The following TOGARAM2 variants were observed in gnomAD, a reference collection of about 807,000 sequenced individuals.
TOGARAM2 encodes TOG array regulator of axonemal microtubules protein 2.
Under a neutral mutation model 93.3 loss-of-function variants are expected in TOGARAM2, and 85 were observed. The observed-to-expected ratio is 0.91, with a 90% CI of 0.76 to 1.09. The LOEUF is 1.09. Ranked by LOEUF, TOGARAM2 falls within the 50% of genes least tolerant of loss-of-function variation. The pLI is 0.00. For synonymous variants in TOGARAM2, 593 were observed against 552.8 expected (o/e 1.07, Z -1.02); for missense variants, 1,277 against 1,334.5 (o/e 0.96, Z 0.67).
At chr2:29,004,754 CTGAG>C (rs1312407356) in intron 6 of TOGARAM2, among the ~76,000 whole-genome samples, 9 of 130,350 alleles carry the variant, frequency 6.9e-5, no homozygotes, top group East Asian at 2.4e-4. Context: ...GTGTGTGTGT[CTGAG>C]TGTGTGTGTG....
chr2:28,970,246 G>C (rs1054494335), intron 1 of TOGARAM2, among the ~76,000 whole-genome samples: 7 of 152,122 alleles, frequency 4.6e-5, no homozygotes, highest in Non-Finnish European at 7.3e-5. Context: ...GACAGAGCTG[G>C]GTCTGCATCC....
chr2:28,962,298 C>T lies in TOGARAM2; in HGVS notation c.-147+5601C>T, dbSNP rs1410437140. ...TCAAGCAATTCTCCTGCCTCAGCCTCCCAAGTAGCTCAGATTACAGGCATG... is the reference window on the plus strand; with the variant it reads ...TCAAGCAATTCTCCTGCCTCAGCCTTCCAAGTAGCTCAGATTACAGGCATG... On this transcript the variant is annotated intron_variant, in intron 1 of 6. Transcript: ENST00000401723. Among the ~76,000 whole-genome samples, 4 of 151,808 alleles carry T rather than the reference C, an allele frequency of 2.6e-5. No homozygotes were observed. In the East Asian group the frequency reaches 7.7e-4, roughly 29 times the overall value.
chr2:29,036,444 C>T (rs1322955566), intron 17 of TOGARAM2, 97 bp from the exon 18 acceptor site: 7 of 1,084,370 alleles, frequency 6.5e-6, no homozygotes, highest in South Asian at 1.4e-5. Context: ...CTGCTGAGGT[C>T]GCTCAGTTGG....
chr2:29,024,004 TTTCCAGCGTGGCAA>T (rs1665150265), intron 12 of TOGARAM2, 121 bp from the exon 13 acceptor site: 2 of 686,134 alleles, frequency 2.9e-6, no homozygotes, highest in Non-Finnish European at 4.9e-6. Flanking sequence ...AGGGTTTTTG[TTTCCAGCGTGGCAA>T]GGCCTAGGTC....
intron 1 of TOGARAM2, among the ~76,000 whole-genome samples, chr2:28,991,599 G>A (rs1295193814): frequency 6.6e-6 from 1 of 152,206 alleles, no homozygotes; most frequent in East Asian, 1.9e-4. Context: ...AGAAGCTGTG[G>A]GAGCGGCAGC....
At chr2:29,022,021 C>A in intron 10 of TOGARAM2, 137 bp from the exon 11 acceptor site, 1 of 1,144,298 alleles carries the variant, frequency 8.7e-7, no homozygotes, top group Non-Finnish European at 1.3e-6. Context: ...CCAGGCACTT[C>A]CACTTGTACA....
chr2:29,029,819 G>A (rs536520843), intron 14 of TOGARAM2, among the ~76,000 whole-genome samples: 5 of 151,692 alleles, frequency 3.3e-5, no homozygotes, highest in Admixed American at 3.3e-4. Context: ...GCAAGGGGGT[G>A]AGGGATGAAA....
intron 1 of TOGARAM2, among the ~76,000 whole-genome samples, chr2:28,974,151 G>A (rs6755124): frequency 0.14 from 19,475 of 141,614 alleles, 2,040 homozygotes; most frequent in East Asian, 0.61. Flanking sequence ...TTTCTGAGGC[G>A]AAGTCTCTCT....
intron 1 of TOGARAM2, among the ~76,000 whole-genome samples, chr2:28,983,196 ATATTTTTTTTTT>A (rs1558400358): frequency 8.3e-5 from 4 of 48,166 alleles, no homozygotes; most frequent in South Asian, 1.4e-3. Context: ...ATATATATAT[ATATTTTTTTTTT>A]TTTTTTTTTT....
At chr2:29,027,174 C>A (rs936019253) in intron 14 of TOGARAM2, among the ~76,000 whole-genome samples, 163 bp downstream of exon 14, 5 of 152,226 alleles carry the variant, frequency 3.3e-5, no homozygotes, top group Non-Finnish European at 7.3e-5. Context: ...TCCCTTCCAT[C>A]AAGCCAAGCC....
intron 16 of TOGARAM2, among the ~76,000 whole-genome samples, chr2:29,035,197 T>C (rs1483860975): frequency 6.7e-6 from 1 of 150,098 alleles, no homozygotes; most frequent in Non-Finnish European, 1.5e-5. Context: ...CTTTTGTGGA[T>C]AGCCACTTCC....
chr2:29,041,783 A>G (rs1490223303), intron 18 of TOGARAM2, among the ~76,000 whole-genome samples: 1 of 152,230 alleles, frequency 6.6e-6, no homozygotes, highest in East Asian at 1.9e-4. Context: ...GCACCAGGTT[A>G]GGCTAATGGA....
intron 6 of TOGARAM2, among the ~76,000 whole-genome samples, chr2:29,009,998 C>A (rs879431578): frequency 3.2e-4 from 48 of 151,074 alleles, no homozygotes; most frequent in Non-Finnish European, 6.0e-4. Context: ...TGCGCCAAGT[C>A]CTCTGAGGCC....
intron 6 of TOGARAM2, among the ~76,000 whole-genome samples, chr2:29,006,050 A>AGTGT (rs1327286735): frequency 5.6e-5 from 3 of 53,172 alleles, no homozygotes; most frequent in South Asian, 6.0e-4. Context: ...GCATGTGTGG[A>AGTGT]GTGTGTGTGT....
chr2:29,043,019 C>A (rs987260884), intron 18 of TOGARAM2, among the ~76,000 whole-genome samples: 1 of 152,174 alleles, frequency 6.6e-6, no homozygotes, highest in South Asian at 2.1e-4. Flanking sequence ...CTAGGCTGAG[C>A]ATTGTGGGAG....
At position 28,986,266 on chromosome 2, in the gene TOGARAM2, C is replaced by G. The variant is rs73922924; in HGVS notation, c.-111+4728C>G. On this transcript the variant is annotated intron_variant, in intron 1 of 19. Transcript: ENST00000379558. The stretch of plus-strand genomic sequence containing the variant: ...CAGCCTAAATAAAACTTTCTCTCCC[C>G]CTAGGCTTTCCTATGTCTTTTAGAC... 2.2e-3 allele frequency among the ~76,000 whole-genome samples: 332 copies of G among 152,242 alleles called. 1 individual carries two copies. The highest frequency in any genetic ancestry group is 7.5e-3 in the African/African-American group (310 of 41,544).
At chr2:29,001,114 G>A (rs1468469418) in intron 4 of TOGARAM2, among the ~76,000 whole-genome samples, 1 of 152,112 alleles carries the variant, frequency 6.6e-6, no homozygotes, top group African/African-American at 2.4e-5. Flanking sequence ...CCCCTGCATT[G>A]AGGCTGAGTT....
intron 1 of TOGARAM2, among the ~76,000 whole-genome samples, chr2:28,962,143 C>A (rs993579893): frequency 4.0e-5 from 6 of 151,060 alleles, no homozygotes; most frequent in Non-Finnish European, 7.4e-5. Flanking sequence ...GGAGAATTTG[C>A]GGATATTGCT....
chr2:28,970,167 T>A (rs1671928277), intron 1 of TOGARAM2, among the ~76,000 whole-genome samples: 1 of 152,158 alleles, frequency 6.6e-6, no homozygotes, highest in Non-Finnish European at 1.5e-5. Context: ...AGGAACAATA[T>A]TTTTCCCCTA....
Sources: allele counts gnomAD v4.1 joint callset (sites outside exome capture counted in the v4.1 genomes callset), GRCh38; gene constraint gnomAD v4.1.1; transcripts MANE v1.5; gene names NCBI Gene and HGNC (gene_info 2026-07-23, HGNC 2026-07-21).